ILDR2: variants seen among roughly 807,000 people sequenced by gnomAD.
ILDR2 encodes immunoglobulin-like domain-containing receptor 2.
In ILDR2, 25 loss-of-function variants were observed where a neutral mutation model predicts 66.8. The ratio of observed to expected loss-of-function variants is 0.37; its 90% CI spans 0.27 to 0.52. The LOEUF is 0.52. Ranked by LOEUF, ILDR2 falls within the 20% of genes least tolerant of loss-of-function variation. ILDR2 has a pLI of 0.88. For missense variants in ILDR2, 827 were observed against 876.8 expected (o/e 0.94, Z 0.72); for synonymous variants, 367 against 357.2 (o/e 1.03, Z -0.31).
chr1:166,952,872 G>A (rs768451600), intron 3 of ILDR2, among the ~76,000 whole-genome samples: 6 of 152,068 alleles, frequency 3.9e-5, no homozygotes, highest in East Asian at 1.9e-4. Flanking sequence ...GAGTTTGATC[G>A]ATGACACTTT....
In ILDR2 at chr1:166,914,004, A is replaced by G. The variant is rs1382884626; in HGVS notation, c.*5351T>C. On this transcript the variant is annotated 3_prime_UTR_variant, in exon 10 of 10. Coordinates refer to ENST00000271417, the MANE Select transcript of ILDR2 (RefSeq NM_199351.3). ...GTGGCATATATCTGTAGTCCTACCT[A>G]CTTGGGAGGCTGAGGGAGGAGGATT... The G allele has an allele frequency of 6.6e-6, 1 of 152,062 alleles. No individual in the cohort carries two copies. The highest frequency in any genetic ancestry group is 6.6e-5 in the Admixed American group (1 of 15,234). 9.4% of individuals were successfully genotyped at this position (152,062 alleles called of 1,614,324 possible).
At chr1:166,920,317 T>C (rs1338400948) in intron 9 of ILDR2, among the ~76,000 whole-genome samples, 1 of 152,194 alleles carries the variant, frequency 6.6e-6, no homozygotes, top group Non-Finnish European at 1.5e-5. Flanking sequence ...CATAGAAGGA[T>C]GCATCGAAGA....
chr1:166,921,236 C>G lies in ILDR2; in HGVS notation c.1355G>C (p.Arg452Pro). The G allele has an allele frequency of 1.3e-6, 2 of 1,595,726 alleles. No homozygotes were observed. Among genetic ancestry groups the G allele is most frequent in the Non-Finnish European group, 8.5e-7 (1 of 1,176,108 alleles). ...CGAGCGCTCGAAGCGGCTCCCGCCC[C>G]GCGCCTCGTGACTGTTGCCGTCTGC... ...RRADGNSHEARGGSRFERSES... is the reference protein window; with the variant it reads ...RRADGNSHEAPGGSRFERSES... Residue 452 changes from arginine (R) to proline (P), a missense_variant, in exon 9 of 10, where the codon CGG becomes CCG. This residue lies in a region of ILDR2 where 390 missense variants were observed against 353.6 expected (regional missense o/e 1.10). Transcript: ENST00000271417. The surrounding 1 kb of genome is among the most constrained non-coding windows in gnomAD (Gnocchi z 5.3).
In ILDR2 at chr1:166,911,481, CAT is replaced by C. The variant is rs1011389894; in HGVS notation, c.*7872_*7873del. 1.3e-5 allele frequency: 2 copies of C among 151,998 alleles called. No individual in the cohort carries two copies. The highest frequency in any genetic ancestry group is 2.9e-5 in the Non-Finnish European group (2 of 68,018). 9.4% of individuals were successfully genotyped at this position (151,998 alleles called of 1,614,324 possible). ...CAATGTAATATGGCATTGCACCACA[CAT>C]GAGCTTAAAATAAAAAACTATAAAA... On this transcript the variant is annotated 3_prime_UTR_variant, in exon 10 of 10. Coordinates refer to ENST00000271417, the MANE Select transcript of ILDR2 (RefSeq NM_199351.3).
At chr1:166,928,026 C>T (rs1019606562) in intron 6 of ILDR2, among the ~76,000 whole-genome samples, 2 of 152,092 alleles carry the variant, frequency 1.3e-5, no homozygotes, top group Non-Finnish European at 1.5e-5. Context: ...AATACCAGCC[C>T]CAAGAGTGAT....
intron 4 of ILDR2, among the ~76,000 whole-genome samples, chr1:166,938,274 G>A (rs1342201021): frequency 6.6e-6 from 1 of 152,226 alleles, no homozygotes; most frequent in African/African-American, 2.4e-5. Flanking sequence ...TACAACTTGG[G>A]TCAAGCATTC....
At chr1:166,901,617 C>T (rs756471699) in intron 2 of ILDR2, among the ~76,000 whole-genome samples, 20 of 152,250 alleles carry the variant, frequency 1.3e-4, no homozygotes, top group African/African-American at 3.1e-4. Flanking sequence ...ATGTTATAGA[C>T]GTGACTTCCA....
chr1:166,948,103 C>G (rs1661744788), intron 3 of ILDR2, among the ~76,000 whole-genome samples: 1 of 152,128 alleles, frequency 6.6e-6, no homozygotes, highest in Non-Finnish European at 1.5e-5. Context: ...TGTACGTGCA[C>G]ATACATAGGT....
intron 1 of ILDR2, among the ~76,000 whole-genome samples, chr1:166,969,889 A>G (rs1257245778): frequency 1.3e-5 from 2 of 152,174 alleles, no homozygotes; most frequent in Non-Finnish European, 2.9e-5. Flanking sequence ...CAAGTCATTT[A>G]TTTCCTCTGA....
chr1:166,904,459 G>T (rs556248361), downstream of ILDR2, among the ~76,000 whole-genome samples: 5 of 152,252 alleles, frequency 3.3e-5, no homozygotes, highest in East Asian at 9.6e-4. Context: ...CTTGTTCATT[G>T]CACCCCCTTT....
chr1:166,898,164 T>A (rs1396242403), intron 2 of ILDR2, among the ~76,000 whole-genome samples: 1 of 152,192 alleles, frequency 6.6e-6, no homozygotes, highest in Non-Finnish European at 1.5e-5. Context: ...GAATTTGGTA[T>A]CATGCCTGTT....
Position 166,957,889 on chromosome 1 carries a change from A to T in ILDR2, c.259T>A (p.Trp87Arg). The change falls in exon 2 of 10, where the codon TGG becomes AGG. Residue 87 changes from tryptophan to arginine, a missense_variant. Physicochemically the swap from Trp to Arg is moderately radical, Grantham distance 101. This residue lies in a region of ILDR2 where 437 missense variants were observed against 523.2 expected (regional missense o/e 0.84). Transcript: ENST00000271417. ...TCCAAACAATCCAAGTAGGGGTCCCATTCCAGGTTTCTCTTGCTGAGAGAT... is the reference window on the plus strand; with the variant it reads ...TCCAAACAATCCAAGTAGGGGTCCCTTTCCAGGTTTCTCTTGCTGAGAGAT... ...AQSLSKRNLE[W>R]DPYLDCLDSR... The T allele has an allele frequency of 6.2e-7, 1 of 1,614,220 alleles. No individual in the cohort carries two copies. The highest frequency in any genetic ancestry group is 8.5e-7 in the Non-Finnish European group (1 of 1,180,042).
chr1:166,902,091 C>A (rs996494886), intron 2 of ILDR2, among the ~76,000 whole-genome samples: 1 of 152,194 alleles, frequency 6.6e-6, no homozygotes, highest in Non-Finnish European at 1.5e-5. Context: ...AACTCCCGAC[C>A]TCAGGTGATA....
intron 1 of ILDR2, among the ~76,000 whole-genome samples, chr1:166,968,026 G>T (rs1663065112): frequency 6.6e-6 from 1 of 152,040 alleles, no homozygotes; most frequent in Admixed American, 6.5e-5. Flanking sequence ...TACAAGCCTT[G>T]TCCATGTCTA....
In ILDR2 at chr1:166,917,682, A is replaced by C. The variant is rs1397064791; in HGVS notation, c.*1673T>G. The C allele has an allele frequency of 1.3e-5, 2 of 152,226 alleles. No homozygotes were observed. Among genetic ancestry groups the C allele is most frequent in the Non-Finnish European group, 1.5e-5 (1 of 68,032 alleles). The allele number at this position is 152,226 out of a possible 1,614,324, so 9.4% of individuals were successfully genotyped here. A position where few individuals can be genotyped will look rare whatever the true frequency, so the allele number is the denominator to read the frequency against. ...CAAGAACGAGTCAGGTTTGTTCTTA[A>C]AGAGAAATGAACATAAAGAATGCAC... On this transcript the variant is annotated 3_prime_UTR_variant, in exon 10 of 10. Coordinates refer to ENST00000271417, the MANE Select transcript of ILDR2 (RefSeq NM_199351.3).
At chr1:166,939,931 A>G (rs773049773) in intron 3 of ILDR2, among the ~76,000 whole-genome samples, 4 of 152,222 alleles carry the variant, frequency 2.6e-5, no homozygotes, top group Non-Finnish European at 4.4e-5. Context: ...TCTGTATCCA[A>G]ATGTTCAATC....
Position 166,934,999 on chromosome 1 carries a change from T to C in ILDR2, c.880+302A>G, listed in dbSNP as rs1286757081. 5.3e-5 allele frequency among the ~76,000 whole-genome samples: 8 copies of C among 152,246 alleles called. No homozygotes were observed. In the South Asian group the frequency reaches 1.5e-3, roughly 28 times the overall value. ...CACAGTAGTAGTGGACTCCTGTAGG[T>C]AGGGATGAAACAACTATTTGCTAAC... On this transcript the variant is annotated intron_variant, in intron 6 of 9. Coordinates refer to ENST00000271417, the MANE Select transcript of ILDR2 (RefSeq NM_199351.3).
At chr1:166,944,803 A>G (rs1046059824) in intron 3 of ILDR2, among the ~76,000 whole-genome samples, 2 of 152,050 alleles carry the variant, frequency 1.3e-5, no homozygotes, top group East Asian at 1.9e-4. Context: ...TTCCTCCTCC[A>G]TGCTCCCTAG....
At chr1:166,943,308 C>A (rs1307765868) in intron 3 of ILDR2, among the ~76,000 whole-genome samples, 1 of 151,824 alleles carries the variant, frequency 6.6e-6, no homozygotes, top group African/African-American at 2.4e-5. Flanking sequence ...CTGGCTAACA[C>A]AGTGAAACCC....
Sources: gnomAD v4.1 joint callset for allele counts (sites outside exome capture counted in the v4.1 genomes callset) on GRCh38, gnomAD v4.1.1 for gene constraint, gnomAD v4.1.1 regional missense constraint, Gnocchi (gnomAD v3.1) non-coding constraint, MANE v1.5 for transcripts, NCBI Gene and HGNC (gene_info 2026-07-23, HGNC 2026-07-21) for gene names.